RGS7BP: variants seen among roughly 807,000 people sequenced by gnomAD.
RGS7BP encodes the protein regulator of G protein signaling 7-binding protein.
RGS7BP carries 9 observed loss-of-function variants against 31.3 expected under a neutral mutation model. The ratio of observed to expected loss-of-function variants is 0.29; its 90% CI spans 0.17 to 0.50. The LOEUF is 0.50. Ranked by LOEUF, RGS7BP falls within the 20% of genes least tolerant of loss-of-function variation. The pLI is 0.98. For missense variants in RGS7BP, 274 were observed against 322.0 expected, an observed-to-expected ratio of 0.85 and a Z score of 1.14; for synonymous variants, 115 against 120.1, an observed-to-expected ratio of 0.96 and a Z score of 0.28.
intron 2 of RGS7BP, among the ~76,000 whole-genome samples, chr5:64,547,917 G>A (rs556683410): frequency 4.5e-4 from 69 of 152,008 alleles, no homozygotes; most frequent in African/African-American, 1.6e-3. Context: ...AGGCCTTTTG[G>A]GGAAAAATAA....
intron 5 of RGS7BP, among the ~76,000 whole-genome samples, chr5:64,607,616 T>C (rs892826801): frequency 1.3e-5 from 2 of 152,044 alleles, no homozygotes; most frequent in African/African-American, 4.8e-5. Context: ...TTTTATCATG[T>C]AGATGAAGCC....
At position 64,506,762 on chromosome 5, in the gene RGS7BP, C is replaced by T; in HGVS notation, c.138C>T (p.Thr46=). ...GCGGCTCCGAGAGCGCCCACAAAAC[C>T]CAACGAGCCCTGGACGACTGCAAGA... The part of the protein sequence containing the change: ...RGSGSESAHK[T]QRALDDCKML... Residue 46 remains threonine, a synonymous_variant, in exon 1 of 6, where the codon ACC becomes ACT. Coordinates refer to ENST00000334025, the MANE Select transcript of RGS7BP (RefSeq NM_001029875.3). The surrounding 1 kb of genome is among the most constrained non-coding windows in gnomAD (Gnocchi z 4.6). The T allele has an allele frequency of 6.2e-7, 1 of 1,604,758 alleles. No homozygotes were observed. The highest frequency in any genetic ancestry group is 8.5e-7 in the Non-Finnish European group (1 of 1,172,742).
intron 2 of RGS7BP, among the ~76,000 whole-genome samples, chr5:64,556,068 T>G (rs1741915878): frequency 6.6e-6 from 1 of 152,082 alleles, no homozygotes; most frequent in Non-Finnish European, 1.5e-5. Context: ...GCTTCCATTC[T>G]GCTTGATACT....
At chr5:64,601,371 G>A (rs1743213595) in intron 5 of RGS7BP, 1 of 696,024 alleles carries the variant, frequency 1.4e-6, no homozygotes, top group Non-Finnish European at 1.8e-6. Flanking sequence ...AGCATTTAAA[G>A]ACTTAATCAT....
chr5:64,600,482 AT>A (rs1315534926), intron 5 of RGS7BP, among the ~76,000 whole-genome samples: 6 of 152,212 alleles, frequency 3.9e-5, no homozygotes, highest in South Asian at 2.1e-4. Flanking sequence ...ACAGAAAAAA[AT>A]AATTAGAATT....
At chr5:64,513,993 G>C (rs1289181306) in intron 2 of RGS7BP, among the ~76,000 whole-genome samples, 1 of 152,170 alleles carries the variant, frequency 6.6e-6, no homozygotes, top group African/African-American at 2.4e-5. Context: ...GGAAATCTAA[G>C]GTCAAGGTGT....
chr5:64,580,291 C>T (rs1056006477), intron 3 of RGS7BP, among the ~76,000 whole-genome samples: 1 of 152,084 alleles, frequency 6.6e-6, no homozygotes, highest in African/African-American at 2.4e-5. Flanking sequence ...AAGTGAGAAA[C>T]CTTACTACTT....
chr5:64,571,397 T>C (rs926276254), intron 2 of RGS7BP, among the ~76,000 whole-genome samples: 10 of 152,196 alleles, frequency 6.6e-5, no homozygotes, highest in Non-Finnish European at 1.5e-4. Context: ...TGTAGAACTC[T>C]ATTTGTGAAT....
chr5:64,564,083 A>G (rs1264961564), intron 2 of RGS7BP, among the ~76,000 whole-genome samples: 1 of 152,196 alleles, frequency 6.6e-6, no homozygotes, highest in Non-Finnish European at 1.5e-5. Context: ...AACATTGAAT[A>G]GGAGAATTAA....
chr5:64,558,799 C>A (rs945189068), intron 2 of RGS7BP, among the ~76,000 whole-genome samples: 3 of 152,058 alleles, frequency 2.0e-5, no homozygotes, highest in Admixed American at 6.6e-5. Flanking sequence ...GAATGCATTC[C>A]CAGGGGAGGC....
chr5:64,529,221 T>C (rs918902780), intron 2 of RGS7BP, among the ~76,000 whole-genome samples: 1 of 152,190 alleles, frequency 6.6e-6, no homozygotes, highest in Non-Finnish European at 1.5e-5. Context: ...AAATAGAATA[T>C]TTCATTTCAG....
intron 2 of RGS7BP, among the ~76,000 whole-genome samples, chr5:64,536,757 A>G (rs1247917484): frequency 1.3e-5 from 2 of 152,194 alleles, no homozygotes; most frequent in African/African-American, 4.8e-5. Context: ...ATTCAGTTGT[A>G]TGCTTACCAA....
At chr5:64,525,232 C>T (rs1749202085) in intron 2 of RGS7BP, among the ~76,000 whole-genome samples, 1 of 152,042 alleles carries the variant, frequency 6.6e-6, no homozygotes, top group Non-Finnish European at 1.5e-5. Flanking sequence ...GAGATAGGAA[C>T]AGAGCAAGTG....
intron 2 of RGS7BP, among the ~76,000 whole-genome samples, chr5:64,563,655 A>T (rs528000608): frequency 6.6e-6 from 1 of 152,214 alleles, no homozygotes; most frequent in East Asian, 1.9e-4. Context: ...TGACACCTTC[A>T]TCTTGAACTT....
At chr5:64,582,571 A>G (rs1742629974) in intron 3 of RGS7BP, among the ~76,000 whole-genome samples, 1 of 152,196 alleles carries the variant, frequency 6.6e-6, no homozygotes, top group African/African-American at 2.4e-5. Context: ...TCTCCCAAAG[A>G]TAAGATGGGT....
rs1748682473 is a variant in RGS7BP at position 64,506,532 on chromosome 5, C to T, written c.-93C>T. ...GAGCTGCGCGCCTCAGGTCCGGGCT[C>T]CGGCTGCTTGGCGGCGGCGCCCAGG... On this transcript the variant is annotated 5_prime_UTR_variant, in exon 1 of 6. Coordinates refer to ENST00000334025, the MANE Select transcript of RGS7BP (RefSeq NM_001029875.3). This position sits in a 1 kb window ranked among gnomAD's most constrained non-coding sequence, Gnocchi z 4.6. 3.3e-6 allele frequency: 4 copies of T among 1,207,858 alleles called. No individual in the cohort carries two copies. Among genetic ancestry groups the T allele is most frequent in the Admixed American group, 2.4e-5 (1 of 41,492 alleles). The allele number at this position is 1,207,858 out of a possible 1,614,324, so 74.8% of individuals were successfully genotyped here.
chr5:64,556,461 A>AC (rs58832937), intron 2 of RGS7BP, among the ~76,000 whole-genome samples: 2 of 148,402 alleles, frequency 1.3e-5, no homozygotes, highest in South Asian at 2.1e-4. Context: ...ACACACACAC[A>AC]AAATTGGCTT....
At position 64,507,722 on chromosome 5, in the gene RGS7BP, G is replaced by T; in HGVS notation, c.177G>T (p.Glu59Asp). 3 of 1,579,148 alleles carry T rather than the reference G, an allele frequency of 1.9e-6. No individual in the cohort carries two copies. The highest frequency in any genetic ancestry group is 2.6e-6 in the Non-Finnish European group (3 of 1,165,062). The change falls in exon 2 of 6, where the codon GAG becomes GAT. Residue 59 changes from glutamate to aspartate, a missense_variant. Physicochemically the swap from Glu to Asp is conservative, Grantham distance 45 (BLOSUM62 2). Transcript: ENST00000334025. ...CACTTCTTTTCCAGCTTGTCCAAGA[G>T]TTCAACACACAAGTGGCCCTGTACC... ...ALDDCKMLVQ[E>D]FNTQVALYRE...
At chr5:64,517,016 G>GAAA (rs58172150) in intron 2 of RGS7BP, among the ~76,000 whole-genome samples, 15 of 77,016 alleles carry the variant, frequency 1.9e-4, no homozygotes, top group Admixed American at 4.3e-4. Context: ...TTCTCGCCCA[G>GAAA]AAAAAAAAAA....
Sources: allele counts gnomAD v4.1 joint callset (sites outside exome capture counted in the v4.1 genomes callset), GRCh38; gene constraint gnomAD v4.1.1; non-coding constraint Gnocchi (gnomAD v3.1); transcripts MANE v1.5; gene names NCBI Gene and HGNC (gene_info 2026-07-23, HGNC 2026-07-21).